Variants in FGF13 observed in about 807,000 individuals in gnomAD.
FGF13 encodes the protein fibroblast growth factor 13.
In FGF13, 2 loss-of-function variants were observed where a neutral mutation model predicts 19.5. The observed-to-expected ratio is 0.10, with a 90% CI of 0.04 to 0.32. FGF13 has a LOEUF of 0.32. FGF13 is among the 10% of genes least tolerant of loss of function. FGF13 has a pLI of 1.00. For missense variants in FGF13, 113 were observed against 192.7 expected, an observed-to-expected ratio of 0.59 and a Z score of 2.45; for synonymous variants, 72 against 76.9, an observed-to-expected ratio of 0.94 and a Z score of 0.33.
intron 1 of FGF13, among the ~76,000 whole-genome samples, chrX:138,971,656 T>C (rs976817690): frequency 1.7e-4 from 19 of 111,902 alleles, no homozygotes; most frequent in Non-Finnish European, 3.2e-4. Context: ...CATACATATA[T>C]ATTGTGTAAA....
intron 1 of FGF13, among the ~76,000 whole-genome samples, chrX:139,199,313 C>CA (rs2084397849): frequency 9.4e-6 from 1 of 106,346 alleles, no homozygotes; most frequent in African/African-American, 3.9e-5. Flanking sequence ...TTTCCCCCCT[C>CA]CTTCAATTGC....
intron 3 of FGF13, among the ~76,000 whole-genome samples, chrX:138,841,612 G>A (rs372832485): frequency 5.8e-4 from 64 of 110,624 alleles, no homozygotes; most frequent in African/African-American, 2.1e-3. Flanking sequence ...ACTTTACTAC[G>A]ATAAAGGAAC....
intron 3 of FGF13, among the ~76,000 whole-genome samples, chrX:138,800,597 T>C (rs1019310805): frequency 1.8e-5 from 2 of 111,669 alleles, no homozygotes; most frequent in African/African-American, 6.5e-5. Flanking sequence ...GTTCTCTGTA[T>C]TTCCTGAATT....
chrX:139,189,081 AC>A (rs2084303685), intron 1 of FGF13, among the ~76,000 whole-genome samples: 7 of 110,300 alleles, frequency 6.3e-5, no homozygotes, highest in Non-Finnish European at 1.1e-4. Context: ...ACACACACAC[AC>A]ACACACACAA....
chrX:138,907,010 T>C (rs1480156720), intron 1 of FGF13, among the ~76,000 whole-genome samples: 1 of 111,936 alleles, frequency 8.9e-6, no homozygotes, highest in African/African-American at 3.3e-5. Flanking sequence ...GCTGCTTCAC[T>C]AACGTGCTGT....
intron 3 of FGF13, among the ~76,000 whole-genome samples, chrX:138,794,733 G>A: frequency 8.9e-6 from 1 of 111,850 alleles, no homozygotes; most frequent in Non-Finnish European, 1.9e-5. Context: ...TCTAGGGAAA[G>A]GAGAGGTCAG....
At chrX:138,675,005 G>A (rs1240907429) in intron 3 of FGF13, among the ~76,000 whole-genome samples, 1 of 111,594 alleles carries the variant, frequency 9.0e-6, no homozygotes, top group African/African-American at 3.3e-5. Context: ...CTTTACAGGA[G>A]GTGCAATCAA....
At chrX:138,793,020 A>G (rs964004037) in intron 3 of FGF13, among the ~76,000 whole-genome samples, 2 of 111,770 alleles carry the variant, frequency 1.8e-5, no homozygotes, top group African/African-American at 6.5e-5. Flanking sequence ...AAAGGAAGGC[A>G]TAGGAATACT....
At chrX:138,780,839 C>A (rs1317164443) in intron 3 of FGF13, among the ~76,000 whole-genome samples, 1 of 110,795 alleles carries the variant, frequency 9.0e-6, no homozygotes, top group Admixed American at 9.6e-5. Flanking sequence ...CAGAACTCTC[C>A]ACCCCAAATC....
chrX:138,702,318 C>G (rs191434930), intron 3 of FGF13, among the ~76,000 whole-genome samples: 16 of 111,935 alleles, frequency 1.4e-4, no homozygotes, highest in Admixed American at 5.7e-4. Context: ...TTGCTTATAT[C>G]TAAATGTTAA....
chrX:139,043,459 C>T (rs776413930), intron 1 of FGF13, among the ~76,000 whole-genome samples: 2 of 110,621 alleles, frequency 1.8e-5, no homozygotes, highest in Admixed American at 9.6e-5. Flanking sequence ...GTAATCCGCC[C>T]GCCTCGGCTT....
At chrX:138,944,733 C>T (rs1457762722) in intron 1 of FGF13, among the ~76,000 whole-genome samples, 1 of 111,175 alleles carries the variant, frequency 9.0e-6, no homozygotes, top group Non-Finnish European at 1.9e-5. Context: ...ATCTTACAAC[C>T]AGGCAGGCTA....
chrX:138,736,942 G>T (rs2124298039), intron 1 of FGF13, among the ~76,000 whole-genome samples: 1 of 110,855 alleles, frequency 9.0e-6, no homozygotes, highest in South Asian at 3.9e-4. Context: ...ACACAACAAG[G>T]ACAAAAACAT....
At chrX:138,887,720 A>T (rs116409644) in intron 1 of FGF13, among the ~76,000 whole-genome samples, 1,530 of 112,070 alleles carry the variant, frequency 0.014, 28 homozygotes, top group African/African-American at 0.047. Flanking sequence ...CTGAGTCCCA[A>T]CTTATGCATT....
chrX:138,766,705 G>A (rs1012048064), intron 3 of FGF13, among the ~76,000 whole-genome samples: 1 of 111,814 alleles, frequency 8.9e-6, no homozygotes, highest in Non-Finnish European at 1.9e-5. Flanking sequence ...CCTAATTAAT[G>A]CTAACGATAG....
At chrX:139,041,962 G>C (rs189328749) in intron 1 of FGF13, among the ~76,000 whole-genome samples, 2 of 112,067 alleles carry the variant, frequency 1.8e-5, no homozygotes, top group South Asian at 7.4e-4. Flanking sequence ...CTCAAATTAT[G>C]TATGGTATTT....
chrX:139,003,899 A>T (rs1455428304), intron 1 of FGF13, among the ~76,000 whole-genome samples: 2 of 112,603 alleles, frequency 1.8e-5, no homozygotes, highest in Non-Finnish European at 3.8e-5. Context: ...TGTGTTTACA[A>T]TCCCTGAGCT....
intron 1 of FGF13, among the ~76,000 whole-genome samples, chrX:138,896,117 G>A (rs2091502631): frequency 8.9e-6 from 1 of 111,749 alleles, no homozygotes; most frequent in African/African-American, 3.3e-5. Context: ...TAATAATGTA[G>A]TGTACTTTTC....
chrX:139,177,484 T>C (rs2084197905), intron 1 of FGF13, among the ~76,000 whole-genome samples: 1 of 111,646 alleles, frequency 9.0e-6, no homozygotes, highest in African/African-American at 3.3e-5. Context: ...CTGGTTATTC[T>C]GTCTGTTTGT....
Sources: allele counts gnomAD v4.1 joint callset (sites outside exome capture counted in the v4.1 genomes callset), GRCh38; gene constraint gnomAD v4.1.1; transcripts MANE v1.5; gene names NCBI Gene and HGNC (gene_info 2026-07-23, HGNC 2026-07-21).